Variants in RPL39L observed in about 807,000 individuals in gnomAD.
RPL39L encodes the protein ribosomal protein L39 like.
For synonymous variants in RPL39L, 16 were observed against 20.1 expected (o/e 0.80, Z 0.55); for missense variants, 48 against 58.9 (o/e 0.81, Z 0.61).
chr3:187,134,483 T>TAAAAAAAAA (rs72169562), intron 1 of RPL39L, among the ~76,000 whole-genome samples: 6 of 93,420 alleles, frequency 6.4e-5, no homozygotes, highest in African/African-American at 2.5e-4. Context: ...GCCTGACTGA[T>TAAAAAAAAA]AAAAAAAAAA....
At chr3:187,130,744 A>G (rs1720472204) in intron 1 of RPL39L, among the ~76,000 whole-genome samples, 1 of 152,226 alleles carries the variant, frequency 6.6e-6, no homozygotes, top group Non-Finnish European at 1.5e-5. Context: ...CAATCATTTG[A>G]CAAAAATTTT....
At chr3:187,122,664 ATC>A (rs1720333988) in intron 2 of RPL39L, among the ~76,000 whole-genome samples, 1 of 152,206 alleles carries the variant, frequency 6.6e-6, no homozygotes, top group Non-Finnish European at 1.5e-5. Flanking sequence ...TTTACTAGGT[ATC>A]TCTCTCAATA....
chr3:187,129,008 C>G (rs1720443902), intron 1 of RPL39L, among the ~76,000 whole-genome samples: 1 of 152,218 alleles, frequency 6.6e-6, no homozygotes, highest in African/African-American at 2.4e-5. Context: ...TCTCCTTCCA[C>G]TGTTGCAAAA....
intron 1 of RPL39L, among the ~76,000 whole-genome samples, chr3:187,138,457 C>G (rs1263604765): frequency 6.6e-6 from 1 of 152,098 alleles, no homozygotes; most frequent in Non-Finnish European, 1.5e-5. Flanking sequence ...AAACGGGGAC[C>G]TTAAAGGAGA....
chr3:187,128,265 C>T (rs1560200088), intron 1 of RPL39L, among the ~76,000 whole-genome samples: 1 of 152,142 alleles, frequency 6.6e-6, no homozygotes, highest in Non-Finnish European at 1.5e-5. Context: ...ATCAGTGCAG[C>T]CTGTGCTTGC....
At chr3:187,125,260 G>T (rs1187519006) in intron 2 of RPL39L, among the ~76,000 whole-genome samples, 1 of 152,200 alleles carries the variant, frequency 6.6e-6, no homozygotes, top group Non-Finnish European at 1.5e-5. Flanking sequence ...TTTTATACTT[G>T]TGAGAGCAAT....
chr3:187,121,098 T>C lies in RPL39L; in HGVS notation c.*47A>G. ...TCAGCTTGATATCGTAAGATGATCG[T>C]GAACTTGATACAGCATAAATATGTG... On this transcript the variant is annotated 3_prime_UTR_variant, in exon 3 of 3. Transcript: ENST00000296277. 1.9e-6 allele frequency: 3 copies of C among 1,601,960 alleles called. No individual in the cohort carries two copies. Among genetic ancestry groups the C allele is most frequent in the East Asian group, 4.5e-5 (2 of 44,840 alleles).
At chr3:187,121,420 T>A (rs985391700) in intron 2 of RPL39L, 92 bp from the exon 3 acceptor site, 8 of 1,286,338 alleles carry the variant, frequency 6.2e-6, no homozygotes, top group African/African-American at 6.0e-5. Context: ...AGAAAGAGGA[T>A]CTTTAGTGCC....
intron 1 of RPL39L, among the ~76,000 whole-genome samples, chr3:187,133,317 T>C (rs747477582): frequency 1.4e-4 from 22 of 152,130 alleles, no homozygotes; most frequent in Non-Finnish European, 2.5e-4. Context: ...CCCCGTGCTG[T>C]TCTTGTGACA....
chr3:187,121,215 A>C lies in RPL39L; in HGVS notation c.86T>G (p.Met29Arg), dbSNP rs1166345544. The change falls in exon 3 of 3, where the codon ATG becomes AGG. Residue 29 changes from methionine (M) to arginine (R), a missense_variant. Met to Arg is a moderately conservative substitution (Grantham distance 91). Coordinates refer to ENST00000296277, the MANE Select transcript of RPL39L (RefSeq NM_052969.3). ...QNRPIPQWIQ[M>R]KPGSKIRYNS... ...GTACCTGATTTTACTACCAGGTTTC[A>C]TCTGAATCCACTGGGGGATGGGACG... is the stretch of plus-strand genomic sequence containing the variant. 3.1e-6 allele frequency: 5 copies of C among 1,613,932 alleles called. No homozygotes were observed. The East Asian group carries it at 1.1e-4, about 36-fold the overall frequency.
intron 2 of RPL39L, among the ~76,000 whole-genome samples, chr3:187,123,583 A>G (rs897129551): frequency 1.3e-5 from 2 of 152,188 alleles, no homozygotes; most frequent in African/African-American, 4.8e-5. Flanking sequence ...ATTTGGCTCC[A>G]ACCACTTCAG....
rs117349412 is a variant in RPL39L, at chr3:187,136,762, T to C, written c.-93+2451A>G. On this transcript the variant is annotated intron_variant, in intron 1 of 2. Transcript: ENST00000296277. Reference sequence around the variant, plus strand: ...AGAAATATAATGTGAGCCCCACATATAGTTACAATTTAAAATTTTCTGAGT... The same window carrying C: ...AGAAATATAATGTGAGCCCCACATACAGTTACAATTTAAAATTTTCTGAGT... Among the ~76,000 whole-genome samples, 888 of 152,268 alleles carry C rather than the reference T, an allele frequency of 5.8e-3. 16 individuals are homozygous for C. The highest frequency in any genetic ancestry group is 0.053 in the East Asian group (274 of 5,192).
intron 1 of RPL39L, among the ~76,000 whole-genome samples, chr3:187,137,080 G>A (rs1720592489): frequency 6.6e-6 from 1 of 151,524 alleles, no homozygotes; most frequent in African/African-American, 2.4e-5. Context: ...GGTGGTGCAT[G>A]CCTGTGATCG....
At chr3:187,126,659 TAGTA>T (rs1720402910) in intron 2 of RPL39L, among the ~76,000 whole-genome samples, 1 of 152,130 alleles carries the variant, frequency 6.6e-6, no homozygotes, top group Non-Finnish European at 1.5e-5. Flanking sequence ...GATTACAAAA[TAGTA>T]AGGAATTATC....
chr3:187,139,291 G>C lies in RPL39L; in HGVS notation c.-171C>G. ...AAGGGCCTGGGGCGCGGGCGGAAAA[G>C]GCGGGCCCAGCTCCCTCAGGTCTGC... is the stretch of plus-strand genomic sequence containing the variant. On this transcript the variant is annotated 5_prime_UTR_variant, in exon 1 of 3. Transcript: ENST00000296277. 1 of 152,354 alleles carries C rather than the reference G, an allele frequency of 6.6e-6. No homozygotes were observed. The highest frequency in any genetic ancestry group is 1.9e-4 in the East Asian group (1 of 5,188). 9.4% of individuals were successfully genotyped at this position (152,354 alleles called of 1,614,324 possible). A position where few individuals can be genotyped will look rare whatever the true frequency, so the allele number is the denominator to read the frequency against.
In RPL39L at chr3:187,125,230, T is replaced by C. The variant is rs2287139; in HGVS notation, c.-29+2769A>G. On this transcript the variant is annotated intron_variant, in intron 2 of 2. Transcript: ENST00000296277. ...TAAAGTAGGATTTTATAATAAGAAA[T>C]GGAAATTTATACTAAGAAATTTTAT... 5.8e-3 allele frequency among the ~76,000 whole-genome samples: 880 copies of C among 152,334 alleles called. 16 individuals carry two copies. The highest frequency in any genetic ancestry group is 0.053 in the East Asian group (273 of 5,190).
chr3:187,132,727 A>C (rs1477803783), intron 1 of RPL39L, among the ~76,000 whole-genome samples: 1 of 152,190 alleles, frequency 6.6e-6, no homozygotes, highest in Non-Finnish European at 1.5e-5. Flanking sequence ...CTATGCCAAC[A>C]ACCAGAAGAA....
At chr3:187,132,409 G>A (rs1720502333) in intron 1 of RPL39L, among the ~76,000 whole-genome samples, 1 of 152,242 alleles carries the variant, frequency 6.6e-6, no homozygotes, top group East Asian at 1.9e-4. Context: ...CTGGTTGAAT[G>A]CTGACTACAG....
chr3:187,125,846 G>T (rs1333782007), intron 2 of RPL39L, among the ~76,000 whole-genome samples: 1 of 152,042 alleles, frequency 6.6e-6, no homozygotes, highest in Non-Finnish European at 1.5e-5. Flanking sequence ...CTAGTGTTTT[G>T]ATATCACTAT....
Sources: gnomAD v4.1 joint callset for allele counts (sites outside exome capture counted in the v4.1 genomes callset) on GRCh38, gnomAD v4.1.1 for gene constraint, MANE v1.5 for transcripts, NCBI Gene and HGNC (gene_info 2026-07-23, HGNC 2026-07-21) for gene names.